The following TEKT5 variants were observed in gnomAD, a reference collection of about 807,000 sequenced individuals.
The protein encoded by TEKT5 is tektin 5, also known as tektin-5.
Under a neutral mutation model 48.7 loss-of-function variants are expected in TEKT5, and 52 were observed. The observed-to-expected ratio is 1.07, with a 90% CI of 0.86 to 1.35. The LOEUF (loss-of-function observed/expected upper bound fraction) is 1.35, where lower values mean the gene tolerates loss of function less well. Among genes scored for constraint, TEKT5 ranks in the 40% most tolerant of loss-of-function variants. TEKT5 has a pLI of 0.00. For synonymous variants in TEKT5, 318 were observed against 267.6 expected, an observed-to-expected ratio of 1.19 and a Z score of -1.84; for missense variants, 831 against 641.6, an observed-to-expected ratio of 1.30 and a Z score of -3.19.
chr16:10,651,205 T>A (rs1898150497), intron 5 of TEKT5, among the ~76,000 whole-genome samples: 1 of 152,122 alleles, frequency 6.6e-6, no homozygotes, highest in South Asian at 2.1e-4. Context: ...CCTCCCCAGG[T>A]ATCCACATGC....
chr16:10,681,106 G>A (rs1348052252), intron 4 of TEKT5, among the ~76,000 whole-genome samples: 1 of 151,036 alleles, frequency 6.6e-6, no homozygotes, highest in Admixed American at 6.6e-5. Flanking sequence ...CTCACAGAAG[G>A]CACCACCTCA....
chr16:10,658,335 AC>A (rs1310467502), intron 5 of TEKT5, among the ~76,000 whole-genome samples: 3 of 152,214 alleles, frequency 2.0e-5, no homozygotes, highest in African/African-American at 7.2e-5. Flanking sequence ...AATGTTCATA[AC>A]AACTTAAACA....
Position 10,686,156 on chromosome 16 carries a change from G to A in TEKT5, c.719+3097C>T, listed in dbSNP as rs1185457016. 2.0e-5 allele frequency among the ~76,000 whole-genome samples: 3 copies of A among 152,172 alleles called. No homozygotes were observed. The East Asian group carries it at 5.8e-4, about 29-fold the overall frequency. ...TAAATCCAGGCATTTACAGTCAATT[G>A]ATTTTCAGCAAAGATGCCAAGAACA... On this transcript the variant is annotated intron_variant, in intron 3 of 6. Coordinates refer to ENST00000283025, the MANE Select transcript of TEKT5 (RefSeq NM_144674.2).
In TEKT5 at chr16:10,694,876, T is replaced by C. The variant is rs764975878; in HGVS notation, c.-3A>G. On this transcript the variant is annotated 5_prime_UTR_variant, in exon 1 of 7. Transcript: ENST00000283025. ...TGAGTAGTCCCAAGAAACTCCATCC[T>C]CCCTCATGAGCCCCACTCGGGCAAA... The C allele has an allele frequency of 1.2e-5, 18 of 1,537,090 alleles. No individual in the cohort carries two copies. In the Admixed American group the frequency reaches 3.5e-4, roughly 30 times the overall value.
rs528614785 is a variant in TEKT5 at position 10,691,079 on chromosome 16, C to T, written c.565-1054G>A. On this transcript the variant is annotated intron_variant, in intron 1 of 6. Coordinates refer to ENST00000283025, the MANE Select transcript of TEKT5 (RefSeq NM_144674.2). ...GTCAGGCTGGGCACAGCGCCTCCTT[C>T]ATGCCTTTAATCTCAACACTTTGGG... is the stretch of plus-strand genomic sequence containing the variant. 2.0e-3 allele frequency among the ~76,000 whole-genome samples: 305 copies of T among 152,362 alleles called. 1 individual carries two copies. The highest frequency in any genetic ancestry group is 0.01 in the Middle Eastern group (3 of 294).
At chr16:10,654,403 T>C (rs1202694855) in intron 5 of TEKT5, among the ~76,000 whole-genome samples, 1 of 152,174 alleles carries the variant, frequency 6.6e-6, no homozygotes, top group East Asian at 1.9e-4. Context: ...TAATTGTATA[T>C]GTTAACTTAA....
At chr16:10,629,799 C>G (rs889100442) in intron 6 of TEKT5, among the ~76,000 whole-genome samples, 1 of 152,214 alleles carries the variant, frequency 6.6e-6, no homozygotes, top group Admixed American at 6.5e-5. Context: ...CAAAGGGCCT[C>G]TGGTGCAGAC....
intron 1 of TEKT5, chr16:10,692,605 C>T (rs1898999301): frequency 6.6e-6 from 1 of 152,228 alleles, no homozygotes; most frequent in African/African-American, 2.4e-5. Context: ...TATCCAGACC[C>T]CTTTGCATCC....
intron 5 of TEKT5, among the ~76,000 whole-genome samples, chr16:10,645,269 A>G (rs2719762): frequency 0.096 from 14,679 of 152,208 alleles, 860 homozygotes; most frequent in African/African-American, 0.17. Flanking sequence ...AAACACTTTG[A>G]GAGGCTGAGG....
intron 6 of TEKT5, among the ~76,000 whole-genome samples, chr16:10,633,737 T>G (rs1897872635): frequency 6.6e-6 from 1 of 152,076 alleles, no homozygotes; most frequent in Non-Finnish European, 1.5e-5. Context: ...TTAGAGATAG[T>G]GTCTTGCTGT....
intron 5 of TEKT5, among the ~76,000 whole-genome samples, chr16:10,666,978 CTTTTTTTTTTTT>C (rs201657619): frequency 8.0e-6 from 1 of 124,666 alleles, no homozygotes; most frequent in African/African-American, 3.0e-5. Flanking sequence ...TGGCTCCTTA[CTTTTTTTTTTTT>C]TTTTTTTTTT....
intron 5 of TEKT5, among the ~76,000 whole-genome samples, chr16:10,657,694 AT>A (rs1366446803): frequency 1.3e-5 from 2 of 149,044 alleles, no homozygotes; most frequent in Non-Finnish European, 3.0e-5. Flanking sequence ...GGTTCATGCC[AT>A]TCTCCTGCCT....
At chr16:10,678,454 A>G (rs200357448) in intron 4 of TEKT5, among the ~76,000 whole-genome samples, 1 of 152,176 alleles carries the variant, frequency 6.6e-6, no homozygotes, top group East Asian at 1.9e-4. Flanking sequence ...AGTTTTAAAA[A>G]TCATATAGCT....
At chr16:10,672,601 C>A (rs1898566748) in intron 5 of TEKT5, among the ~76,000 whole-genome samples, 2 of 152,056 alleles carry the variant, frequency 1.3e-5, no homozygotes, top group African/African-American at 2.4e-5. Flanking sequence ...CTCAAAAAAA[C>A]CACCTCAACA....
chr16:10,673,461 A>G (rs138621743), intron 5 of TEKT5, among the ~76,000 whole-genome samples: 1 of 152,256 alleles, frequency 6.6e-6, no homozygotes, highest in East Asian at 1.9e-4. Flanking sequence ...CTAGAGGATT[A>G]GTAGGAAAAT....
intron 5 of TEKT5, among the ~76,000 whole-genome samples, chr16:10,636,877 T>C (rs8049835): frequency 0.2 from 29,809 of 151,388 alleles, 4,663 homozygotes; most frequent in African/African-American, 0.43. Flanking sequence ...AGTGCAGTGC[T>C]GTGATCTGGG....
At chr16:10,689,178 G>A in intron 3 of TEKT5, 75 bp downstream of exon 3, 2 of 1,284,240 alleles carry the variant, frequency 1.6e-6, no homozygotes, top group Non-Finnish European at 2.2e-6. Flanking sequence ...GGCCCATCTG[G>A]CTTGTCCCCC....
At chr16:10,647,763 A>G (rs1898093797) in intron 5 of TEKT5, among the ~76,000 whole-genome samples, 1 of 152,252 alleles carries the variant, frequency 6.6e-6, no homozygotes, top group Non-Finnish European at 1.5e-5. Flanking sequence ...ATACTCATTC[A>G]TAAGCTCAAT....
chr16:10,651,576 G>A lies in TEKT5; in HGVS notation c.1087-15658C>T, dbSNP rs73510023. ...TATTGTGTGCCAGGCACTTTTCCAAGGGCTTTGCATATATTAGTCAATTAG... is the reference window on the plus strand; with the variant it reads ...TATTGTGTGCCAGGCACTTTTCCAAAGGCTTTGCATATATTAGTCAATTAG... On this transcript the variant is annotated intron_variant, in intron 5 of 6. Coordinates refer to ENST00000283025, the MANE Select transcript of TEKT5 (RefSeq NM_144674.2). Among the ~76,000 whole-genome samples, 587 of 152,276 alleles carry A rather than the reference G, an allele frequency of 3.9e-3. 8 individuals are homozygous for A. Among genetic ancestry groups the A allele is most frequent in the African/African-American group, 0.014 (570 of 41,534 alleles).
Sources: gnomAD v4.1 joint callset for allele counts (sites outside exome capture counted in the v4.1 genomes callset) on GRCh38, gnomAD v4.1.1 for gene constraint, MANE v1.5 for transcripts, NCBI Gene and HGNC (gene_info 2026-07-23, HGNC 2026-07-21) for gene names.